C6orf89: variants seen among roughly 807,000 people sequenced by gnomAD.
C6orf89 encodes chromosome 6 open reading frame 89.
Under a neutral mutation model 40.7 loss-of-function variants are expected in C6orf89, and 29 were observed. The ratio of observed to expected loss-of-function variants is 0.71; its 90% CI spans 0.53 to 0.97. The LOEUF (loss-of-function observed/expected upper bound fraction) is 0.97. Ranked by LOEUF, C6orf89 falls within the 50% of genes least tolerant of loss-of-function variation. The pLI is 0.00. For missense variants in C6orf89, 392 were observed against 429.1 expected, an observed-to-expected ratio of 0.91 and a Z score of 0.76; for synonymous variants, 165 against 152.2, an observed-to-expected ratio of 1.08 and a Z score of -0.62.
chr6:36,915,920 G>A (rs566480210), intron 6 of C6orf89, among the ~76,000 whole-genome samples: 2 of 152,082 alleles, frequency 1.3e-5, no homozygotes, highest in African/African-American at 2.4e-5. Flanking sequence ...GAACTGTTTC[G>A]AAAGAATTAA....
chr6:36,887,200 C>G (rs1003410341), intron 1 of C6orf89, among the ~76,000 whole-genome samples: 10 of 152,010 alleles, frequency 6.6e-5, no homozygotes, highest in African/African-American at 1.9e-4. Flanking sequence ...CTGCAAGCTC[C>G]GCCTCCCCGG....
intron 4 of C6orf89, among the ~76,000 whole-genome samples, chr6:36,905,349 A>T (rs1028042701): frequency 1.3e-5 from 2 of 152,220 alleles, no homozygotes; most frequent in Non-Finnish European, 2.9e-5. Flanking sequence ...GCTGTGCAGT[A>T]GACCTGAAGA....
At chr6:36,919,752 CTCAAAAGCTATTTTAAGAATCACA>C in intron 8 of C6orf89, 51 bp downstream of exon 8, 1 of 1,514,870 alleles carries the variant, frequency 6.6e-7, no homozygotes, top group Non-Finnish European at 8.9e-7. Context: ...TAGTTTTTAA[CTCAAAAGCTATTTTAAGAATCACA>C]TACTGCCTTC....
intron 1 of C6orf89, chr6:36,874,796 T>G (rs764025895): frequency 1.2e-6 from 2 of 1,613,322 alleles, no homozygotes; most frequent in African/African-American, 1.3e-5. Context: ...GCGGAATGCT[T>G]GTCTAGTAAT....
rs1186348814 is a variant in C6orf89 at position 36,925,312 on chromosome 6, CA to C, written c.*1875del. 1.3e-5 allele frequency: 2 copies of C among 152,238 alleles called. No individual in the cohort carries two copies. Among genetic ancestry groups the C allele is most frequent in the South Asian group, 4.2e-4 (2 of 4,818 alleles). The allele number at this position is 152,238 out of a possible 1,614,324, so 9.4% of individuals were successfully genotyped here. A position where few individuals can be genotyped will look rare whatever the true frequency, so the allele number is the denominator to read the frequency against. On this transcript the variant is annotated 3_prime_UTR_variant, in exon 9 of 9. Transcript: ENST00000480824. ...AGTTTTTAAAAATCAGACCCATTAA[CA>C]AAAGAGAGGGTTTCTTAGGAACAAA...
chr6:36,913,691 G>T (rs1762204841), intron 4 of C6orf89, among the ~76,000 whole-genome samples: 2 of 152,196 alleles, frequency 1.3e-5, no homozygotes, highest in South Asian at 2.1e-4. Context: ...TTTATTTGTT[G>T]ATTTGATTTA....
Position 36,923,438 on chromosome 6 carries a change from G to A in C6orf89, c.1041G>A (p.Leu347=), listed in dbSNP as rs1298271050. ...VICDGTAFSE[L] is the part of the protein sequence containing the mutation. ...GCGATGGAACCGCTTTCTCAGAACT[G>A]TAGGAAATAGAACTGTGCACAGGAA... The change falls in exon 9 of 9, where the codon CTG becomes CTA. Residue 347 remains leucine, a synonymous_variant. Transcript: ENST00000480824. 1.2e-6 allele frequency: 2 copies of A among 1,612,030 alleles called. No homozygotes were observed. Among genetic ancestry groups the A allele is most frequent in the African/African-American group, 1.3e-5 (1 of 75,038 alleles).
Position 36,894,488 on chromosome 6 carries a change from T to A in C6orf89, c.-119-16T>A. The A allele has an allele frequency of 2.0e-6, 2 of 978,746 alleles. No individual in the cohort carries two copies. The highest frequency in any genetic ancestry group is 2.4e-6 in the Non-Finnish European group (2 of 823,876). 60.6% of individuals were successfully genotyped at this position (978,746 alleles called of 1,614,324 possible). ...GAAAAATGTTGTAATAAGTTATCCC[T>A]TTACTCTATTTGCAGGAATCATTGT... On this transcript the variant is annotated splice_polypyrimidine_tract_variant and intron_variant, in intron 1 of 8. Transcript: ENST00000480824.
intron 3 of C6orf89, among the ~76,000 whole-genome samples, chr6:36,901,766 G>T (rs1413984650): frequency 6.6e-6 from 1 of 151,810 alleles, no homozygotes; most frequent in African/African-American, 2.4e-5. Flanking sequence ...CGCCTCCCGG[G>T]TTCCCGCCAT....
chr6:36,888,787 T>TGAGA (rs570521769), intron 1 of C6orf89, among the ~76,000 whole-genome samples: 53 of 152,128 alleles, frequency 3.5e-4, no homozygotes, highest in Non-Finnish European at 6.6e-4. Flanking sequence ...GGGATGAATG[T>TGAGA]GAGAATTATA....
rs568836052 is a variant in C6orf89, at chr6:36,925,598, A to T, written c.*2157A>T. ...TAAAATCTACCCAGTTCAGACTTGA[A>T]TGTAAACTTGTATTAGGGGAAAATT... is the stretch of plus-strand genomic sequence containing the variant. On this transcript the variant is annotated 3_prime_UTR_variant, in exon 9 of 9. Transcript: ENST00000480824. 2.6e-5 allele frequency: 4 copies of T among 152,220 alleles called. No individual in the cohort carries two copies. The highest frequency in any genetic ancestry group is 9.6e-5 in the African/African-American group (4 of 41,468). The allele number at this position is 152,220 out of a possible 1,614,324, so 9.4% of individuals were successfully genotyped here.
intron 4 of C6orf89, 73 bp downstream of exon 4, chr6:36,902,507 T>C: frequency 7.3e-7 from 1 of 1,368,178 alleles, no homozygotes; most frequent in Non-Finnish European, 1.0e-6. Context: ...AAGTAACATT[T>C]ATTGATACCT....
At chr6:36,874,390 C>T (rs377383679) in intron 1 of C6orf89, among the ~76,000 whole-genome samples, 18 of 152,320 alleles carry the variant, frequency 1.2e-4, no homozygotes, top group East Asian at 3.9e-4. Context: ...GTTTTATCTA[C>T]CTCTGTATCC....
At chr6:36,912,719 G>A (rs952923988) in intron 4 of C6orf89, among the ~76,000 whole-genome samples, 6 of 152,148 alleles carry the variant, frequency 3.9e-5, no homozygotes, top group African/African-American at 1.4e-4. Context: ...GAGAAAGGTA[G>A]GTGGCAGTTG....
At chr6:36,918,246 T>C (rs1028346396) in intron 7 of C6orf89, among the ~76,000 whole-genome samples, 2 of 152,252 alleles carry the variant, frequency 1.3e-5, no homozygotes, top group Admixed American at 1.3e-4. Flanking sequence ...AGGGCTGGCC[T>C]GTGCCACCCT....
chr6:36,912,997 T>G (rs902855612), intron 4 of C6orf89, among the ~76,000 whole-genome samples: 1 of 152,248 alleles, frequency 6.6e-6, no homozygotes, highest in African/African-American at 2.4e-5. Context: ...TCTCTCCTGA[T>G]TTGGTTTCCA....
At position 36,874,758 on chromosome 6, in the gene C6orf89, G is replaced by T. The variant is rs147328340; in HGVS notation, c.-628+2791G>T. ...CGTTGGGTGGCTGCCAGGAATCTGG[G>T]GGAATTGCCGCCATAGCGAAGCCGG... On this transcript the variant is annotated intron_variant, in intron 1 of 9. Coordinates refer to the C6orf89 transcript ENST00000359359. 571 of 1,614,136 alleles carry T rather than the reference G, an allele frequency of 3.5e-4. 2 individuals are homozygous for T. The highest frequency in any genetic ancestry group is 9.9e-4 in the Middle Eastern group (6 of 6,060).
intron 4 of C6orf89, 43 bp from the exon 5 acceptor site, chr6:36,914,241 G>T (rs780528155): frequency 1.3e-6 from 2 of 1,557,562 alleles, no homozygotes; most frequent in South Asian, 2.3e-5. Context: ...TACCAGCTAT[G>T]CTCTTTCAGT....
At chr6:36,915,114 A>G (rs1048212688) in intron 6 of C6orf89, among the ~76,000 whole-genome samples, 17 of 152,160 alleles carry the variant, frequency 1.1e-4, no homozygotes, top group African/African-American at 4.1e-4. Context: ...TTACAAATCC[A>G]ATGCTGGGAT....
Sources: gnomAD v4.1 joint callset for allele counts (sites outside exome capture counted in the v4.1 genomes callset) on GRCh38, gnomAD v4.1.1 for gene constraint, MANE v1.5 for transcripts, NCBI Gene and HGNC (gene_info 2026-07-23, HGNC 2026-07-21) for gene names.